The following CRIM1 variants were observed in gnomAD, a reference collection of about 807,000 sequenced individuals.
CRIM1 encodes cysteine rich transmembrane BMP regulator 1.
CRIM1 carries 32 observed loss-of-function variants against 116.4 expected under a neutral mutation model. The observed-to-expected ratio is 0.27, with a 90% CI of 0.21 to 0.37. The LOEUF (loss-of-function observed/expected upper bound fraction) is 0.37. Among genes scored for constraint, CRIM1 ranks in the 10% least tolerant of loss-of-function variants. The probability of loss-of-function intolerance (pLI) is 1.00; values close to 1 mark genes in which losing one functional copy is unlikely to be tolerated. For missense variants in CRIM1, 1,331 were observed against 1,354.8 expected, an observed-to-expected ratio of 0.98 and a Z score of 0.28; for synonymous variants, 590 against 509.2, an observed-to-expected ratio of 1.16 and a Z score of -2.13.
intron 1 of CRIM1, among the ~76,000 whole-genome samples, chr2:36,381,329 G>C (rs1199001817): frequency 6.6e-6 from 1 of 152,208 alleles, no homozygotes; most frequent in African/African-American, 2.4e-5. Context: ...GCTCCCGCTA[G>C]ACTCCCACAC....
intron 2 of CRIM1, among the ~76,000 whole-genome samples, chr2:36,404,922 T>G (rs931814502): frequency 5.9e-5 from 9 of 152,202 alleles, no homozygotes; most frequent in Admixed American, 5.2e-4. Context: ...CATTTTTAGT[T>G]TTTTACATTT....
At chr2:36,402,970 C>G (rs192204841) in intron 2 of CRIM1, among the ~76,000 whole-genome samples, 1 of 152,126 alleles carries the variant, frequency 6.6e-6, no homozygotes, top group Non-Finnish European at 1.5e-5. Flanking sequence ...AGAATTCATA[C>G]ATACATGCTC....
At chr2:36,496,162 G>C (rs1680578924) in intron 7 of CRIM1, among the ~76,000 whole-genome samples, 1 of 152,010 alleles carries the variant, frequency 6.6e-6, no homozygotes, top group African/African-American at 2.4e-5. Context: ...TTTAAAATTT[G>C]TTCCAGTTTG....
At chr2:36,524,212 CTG>C (rs1665598829) in intron 13 of CRIM1, among the ~76,000 whole-genome samples, 1 of 152,194 alleles carries the variant, frequency 6.6e-6, no homozygotes, top group Non-Finnish European at 1.5e-5. Flanking sequence ...ACCGGCTTCT[CTG>C]TACTCTACCC....
At chr2:36,406,502 G>A (rs1003242626) in intron 2 of CRIM1, among the ~76,000 whole-genome samples, 5 of 152,066 alleles carry the variant, frequency 3.3e-5, no homozygotes, top group Non-Finnish European at 7.4e-5. Flanking sequence ...TTTTCCTTTG[G>A]TCAAGGGAAG....
intron 10 of CRIM1, among the ~76,000 whole-genome samples, chr2:36,512,868 T>G (rs1437320607): frequency 6.6e-6 from 1 of 152,196 alleles, no homozygotes; most frequent in Non-Finnish European, 1.5e-5. Flanking sequence ...CCCACAGCTG[T>G]GAATAAGCAC....
intron 4 of CRIM1, among the ~76,000 whole-genome samples, chr2:36,443,109 C>T (rs1206428578): frequency 1.3e-5 from 2 of 152,192 alleles, no homozygotes; most frequent in Admixed American, 1.3e-4. Context: ...GCTTAAACAA[C>T]ATGTTCAATG....
At chr2:36,530,740 C>G (rs1339604137) in intron 13 of CRIM1, among the ~76,000 whole-genome samples, 1 of 152,184 alleles carries the variant, frequency 6.6e-6, no homozygotes, top group Non-Finnish European at 1.5e-5. Flanking sequence ...CTTTGTATGC[C>G]TGCCTAAATG....
chr2:36,535,875 G>C (rs181569083), intron 13 of CRIM1, among the ~76,000 whole-genome samples: 1 of 152,288 alleles, frequency 6.6e-6, no homozygotes, highest in African/African-American at 2.4e-5. Context: ...GTTAGGTATT[G>C]CAAGTAATCT....
At chr2:36,452,564 G>A (rs954060090) in intron 4 of CRIM1, among the ~76,000 whole-genome samples, 3 of 152,142 alleles carry the variant, frequency 2.0e-5, no homozygotes, top group East Asian at 1.9e-4. Flanking sequence ...AAGAAAATAT[G>A]CTTTCCTAGA....
chr2:36,531,745 C>T, intron 13 of CRIM1: 2 of 355,664 alleles, frequency 5.6e-6, no homozygotes, highest in South Asian at 4.5e-5. Flanking sequence ...TGATATGAAC[C>T]AGAATTGAGG....
At chr2:36,395,619 T>C (rs904176150) in intron 1 of CRIM1, among the ~76,000 whole-genome samples, 2 of 152,244 alleles carry the variant, frequency 1.3e-5, no homozygotes, top group African/African-American at 4.8e-5. Context: ...AGTCCCATGA[T>C]AGCTCTTTTT....
chr2:36,450,507 C>G (rs369054891), intron 4 of CRIM1, among the ~76,000 whole-genome samples: 3 of 152,104 alleles, frequency 2.0e-5, no homozygotes, highest in African/African-American at 7.2e-5. Context: ...CCATTTCTTT[C>G]TGTCTCTTAA....
At chr2:36,419,899 C>T (rs907912384) in intron 2 of CRIM1, among the ~76,000 whole-genome samples, 4 of 152,152 alleles carry the variant, frequency 2.6e-5, no homozygotes, top group Non-Finnish European at 5.9e-5. Context: ...ATAAATAATC[C>T]TAATTTGTAG....
intron 14 of CRIM1, among the ~76,000 whole-genome samples, chr2:36,543,081 T>C (rs1052077743): frequency 2.0e-5 from 3 of 152,202 alleles, no homozygotes; most frequent in Admixed American, 1.3e-4. Context: ...GTTCTTTTTA[T>C]GTTTAAAGGT....
At chr2:36,512,141 G>C (rs2125110801) in intron 9 of CRIM1, 132 bp from the exon 10 acceptor site, 1 of 1,081,966 alleles carries the variant, frequency 9.2e-7, no homozygotes, top group South Asian at 1.6e-5. Flanking sequence ...ATCACTCCAG[G>C]AATCTTTGAG....
At chr2:36,372,905 A>T (rs886441651) in intron 1 of CRIM1, among the ~76,000 whole-genome samples, 18 of 152,308 alleles carry the variant, frequency 1.2e-4, no homozygotes, top group East Asian at 1.9e-4. Flanking sequence ...AACAGTGGCA[A>T]TGAACAGTGA....
At chr2:36,525,234 G>A (rs966325300) in intron 13 of CRIM1, among the ~76,000 whole-genome samples, 1 of 152,192 alleles carries the variant, frequency 6.6e-6, no homozygotes, top group African/African-American at 2.4e-5. Flanking sequence ...TGCAAGTAGC[G>A]TTGTTAGATA....
chr2:36,546,860 T>C, intron 15 of CRIM1, 124 bp from the exon 16 acceptor site: 2 of 596,684 alleles, frequency 3.4e-6, no homozygotes, highest in Middle Eastern at 4.5e-4. Context: ...TTAATCACAT[T>C]TTTAGCCTCA....
Sources: allele counts gnomAD v4.1 joint callset (sites outside exome capture counted in the v4.1 genomes callset), GRCh38; gene constraint gnomAD v4.1.1; transcripts MANE v1.5; gene names NCBI Gene and HGNC (gene_info 2026-07-23, HGNC 2026-07-21).